Variants in CCAR2 observed in about 807,000 individuals in gnomAD.
CCAR2 encodes cell cycle and apoptosis regulator 2, also known as cell cycle and apoptosis regulator protein 2.
A neutral mutation model predicts 108.1 loss-of-function variants in CCAR2; 21 were observed. The observed-to-expected ratio is 0.19, with a 90% CI of 0.14 to 0.28. CCAR2 has a LOEUF of 0.28. Among genes scored for constraint, CCAR2 ranks in the 10% least tolerant of loss-of-function variants. The pLI is 1.00. For missense variants in CCAR2, 1,126 were observed against 1,177.0 expected (o/e 0.96, Z 0.63); for synonymous variants, 577 against 472.8 (o/e 1.22, Z -2.86).
rs1182916738 is a variant in CCAR2 at position 22,613,000 on chromosome 8, G to C, written c.585-17G>C. ...AACAATGTGGTTTCTTACTGTTGGT[G>C]ATGGGTCAACCTCTAGTGATGACTA... is the stretch of plus-strand genomic sequence containing the variant. On this transcript the variant is annotated splice_polypyrimidine_tract_variant and intron_variant, in intron 7 of 20. Transcript: ENST00000308511. 1 of 1,609,660 alleles carries C rather than the reference G, an allele frequency of 6.2e-7. No individual in the cohort carries two copies. Among genetic ancestry groups the C allele is most frequent in the Non-Finnish European group, 8.5e-7 (1 of 1,178,366 alleles).
intron 11 of CCAR2, 106 bp from the exon 12 acceptor site, chr8:22,615,319 G>C: frequency 7.4e-7 from 1 of 1,346,420 alleles, no homozygotes; most frequent in Non-Finnish European, 1.0e-6. Context: ...GGTTCGCAGT[G>C]TGTGCTCATT....
intron 6 of CCAR2, 142 bp from the exon 7 acceptor site, chr8:22,607,827 T>C (rs1801137016): frequency 4.6e-6 from 3 of 657,518 alleles, no homozygotes; most frequent in South Asian, 3.9e-5. Context: ...GGTTTCACCA[T>C]GTTCGCCAGG....
chr8:22,612,611 C>G (rs1311869233), intron 7 of CCAR2: 1 of 155,782 alleles, frequency 6.4e-6, no homozygotes, highest in Non-Finnish European at 1.4e-5. Context: ...ATATGCGTCT[C>G]TTGTTTTTAA....
Position 22,614,795 on chromosome 8 carries a change from G to GT in CCAR2, c.1042-42dup, listed in dbSNP as rs1181715049. The GT allele has an allele frequency of 3.6e-6, 5 of 1,398,094 alleles. No individual in the cohort carries two copies. In the African/African-American group the frequency reaches 7.8e-5, roughly 22 times the overall value. 86.6% of individuals were successfully genotyped at this position (1,398,094 alleles called of 1,614,324 possible). A position where few individuals can be genotyped will look rare whatever the true frequency, so the allele number is the denominator to read the frequency against. On this transcript the variant is annotated intron_variant, in intron 10 of 20. Coordinates refer to ENST00000308511, the MANE Select transcript of CCAR2 (RefSeq NM_001393997.1). ...CCTTGCCCTGCAGTGGGAGACCCAGGTAATGTAGTTTTTTGTTTTGTATCC... is the reference window on the plus strand; with the variant it reads ...CCTTGCCCTGCAGTGGGAGACCCAGGTTAATGTAGTTTTTTGTTTTGTATCC...
In CCAR2 at chr8:22,618,090, G is replaced by T; in HGVS notation, c.2074-259G>T. On this transcript the variant is annotated intron_variant, in intron 16 of 20. Coordinates refer to ENST00000308511, the MANE Select transcript of CCAR2 (RefSeq NM_001393997.1). Reference sequence around the variant, plus strand: ...CATCAGGCAAGGTGCTTGATGTTTTGTTTTTTAGAGACGGGGTTTCGCTGT... The same window carrying T: ...CATCAGGCAAGGTGCTTGATGTTTTTTTTTTTAGAGACGGGGTTTCGCTGT... 1.2e-5 allele frequency: 7 copies of T among 595,580 alleles called. No homozygotes were observed. The South Asian group carries it at 1.2e-4, about 10-fold the overall frequency. The allele number at this position is 595,580 out of a possible 1,614,324, so 36.9% of individuals were successfully genotyped here.
At chr8:22,618,301 A>G (rs776888067) in intron 16 of CCAR2, 48 bp from the exon 17 acceptor site, 6 of 1,612,952 alleles carry the variant, frequency 3.7e-6, no homozygotes, top group Non-Finnish European at 5.1e-6. Context: ...CGATAGAGCC[A>G]CTGAGGGAAC....
chr8:22,605,089 C>T (rs1253621095), intron 1 of CCAR2: 4 of 246,306 alleles, frequency 1.6e-5, no homozygotes, highest in African/African-American at 7.2e-5. Context: ...AGACCCGGCG[C>T]TGGCGGCTGC....
chr8:22,605,751 T>C lies in CCAR2; in HGVS notation c.-23T>C, dbSNP rs1801050294. ...TGGATTGAAGCCTTTTCCCCACGAC[T>C]CTGAAAGAGGACAGCGTTCCCAATG... On this transcript the variant is annotated 5_prime_UTR_variant, in exon 2 of 21. Coordinates refer to ENST00000308511, the MANE Select transcript of CCAR2 (RefSeq NM_001393997.1). 2 of 1,610,734 alleles carry C rather than the reference T, an allele frequency of 1.2e-6. No individual in the cohort carries two copies. Among genetic ancestry groups the C allele is most frequent in the Admixed American group, 1.7e-5 (1 of 59,734 alleles).
At chr8:22,619,090 C>T in intron 19 of CCAR2, 60 bp from the exon 20 acceptor site, 1 of 1,599,560 alleles carries the variant, frequency 6.3e-7, no homozygotes, top group East Asian at 2.2e-5. Flanking sequence ...GGCTCAGGCC[C>T]TGCCCTGTGC....
chr8:22,611,113 C>G (rs1801257455), intron 7 of CCAR2, among the ~76,000 whole-genome samples: 1 of 151,812 alleles, frequency 6.6e-6, no homozygotes, highest in South Asian at 2.1e-4. Flanking sequence ...GTAATCCTAG[C>G]ACTTTGGGAG....
At chr8:22,605,633 C>T in intron 1 of CCAR2, 103 bp from the exon 2 acceptor site, 2 of 679,226 alleles carry the variant, frequency 2.9e-6, no homozygotes, top group African/African-American at 1.8e-5. Flanking sequence ...TATTACCCAC[C>T]TCCCTGTTTT....
At chr8:22,621,100 C>G, downstream of CCAR2, 1 of 294,884 alleles carries the variant, frequency 3.4e-6, no homozygotes, top group Non-Finnish European at 6.4e-6. Context: ...AGACCCCCAA[C>G]TTAGCCAACG....
In CCAR2 at chr8:22,618,666, G is replaced by A. The variant is rs201437065; in HGVS notation, c.2270G>A (p.Arg757Gln). ...RVVTQNICQY[R>Q]SLQYSRQEGL... ...GTGACCCAGAACATCTGCCAGTACC[G>A]GAGCCTTCAGTACAGCCGCCAGGAG... is the stretch of plus-strand genomic sequence containing the variant. Residue 757 changes from arginine (R) to glutamine (Q), a missense_variant, in exon 18 of 21, where the codon CGG becomes CAG. Transcript: ENST00000308511. 7 of 1,614,092 alleles carry A rather than the reference G, an allele frequency of 4.3e-6. No homozygotes were observed. Among genetic ancestry groups the A allele is most frequent in the East Asian group, 4.5e-5 (2 of 44,880 alleles).
In CCAR2 at chr8:22,607,385, C is replaced by T. The variant is rs762312201; in HGVS notation, c.487+60C>T. ...TTATGGGGTAGTTTAGATCAATGGA[C>T]TTTCAGGTTGCTGCTCTTAGCATAG... is the stretch of plus-strand genomic sequence containing the variant. On this transcript the variant is annotated intron_variant, in intron 6 of 20. Transcript: ENST00000308511. The T allele has an allele frequency of 5.7e-6, 9 of 1,583,956 alleles. No individual in the cohort carries two copies. In the African/African-American group the frequency reaches 6.7e-5, roughly 12 times the overall value.
At chr8:22,611,943 CTCTTT>C (rs1398070046) in intron 7 of CCAR2, among the ~76,000 whole-genome samples, 5 of 143,314 alleles carry the variant, frequency 3.5e-5, no homozygotes, top group African/African-American at 8.5e-5. Flanking sequence ...GTAACTGTCT[CTCTTT>C]TTTTTTTTTT....
In CCAR2 at chr8:22,616,230, A is replaced by G. The variant is rs200950872; in HGVS notation, c.1827A>G (p.Thr609=). 7 of 1,612,798 alleles carry G rather than the reference A, an allele frequency of 4.3e-6. No homozygotes were observed. Among genetic ancestry groups the G allele is most frequent in the Non-Finnish European group, 5.9e-6 (7 of 1,180,002 alleles). The change falls in exon 14 of 21, where the codon ACA becomes ACG. Residue 609 remains threonine, a synonymous_variant. Coordinates refer to ENST00000308511, the MANE Select transcript of CCAR2 (RefSeq NM_001393997.1). ...AGGCACAGAATGAGGGCCCGGCTAC[A>G]GAGTCAGAGGCCCCGCTGGTGAGTA... ...KDEAQNEGPA[T]ESEAPLKEDG...
At position 22,613,134 on chromosome 8, in the gene CCAR2, C is replaced by T. The variant is rs1279105990; in HGVS notation, c.702C>T (p.Asp234=). Residue 234 remains aspartate, a splice_region_variant and synonymous_variant, in exon 8 of 21, where the codon GAC becomes GAT. Coordinates refer to ENST00000308511, the MANE Select transcript of CCAR2 (RefSeq NM_001393997.1). ...TCCACCTCACTCCTTACACTGTGGACAGGTGAGTGGCGAGGCTGAGGTGGG... is the reference window on the plus strand; with the variant it reads ...TCCACCTCACTCCTTACACTGTGGATAGGTGAGTGGCGAGGCTGAGGTGGG... The part of the protein sequence containing the change: ...YRVHLTPYTV[D]SPICDFLELQ... 2.5e-6 allele frequency: 4 copies of T among 1,591,056 alleles called. No homozygotes were observed. In the Admixed American group the frequency reaches 7.3e-5, roughly 29 times the overall value.
In CCAR2 at chr8:22,605,805, C is replaced by T. The variant is rs1305006974; in HGVS notation, c.32C>T (p.Pro11Leu). MSQFKRQRINPLPGGRNFSGT... is the reference protein window; with the variant it reads MSQFKRQRINLLPGGRNFSGT... The stretch of plus-strand genomic sequence containing the variant: ...CAGTTTAAGCGCCAGCGGATCAACC[C>T]GCTTCCAGGGGGACGCAACTTCTCA... Residue 11 changes from proline (P) to leucine (L), a missense_variant, in exon 2 of 21, where the codon CCG becomes CTG. This residue lies in a region of CCAR2 where 52 missense variants were observed against 63.7 expected (regional missense o/e 0.82). Coordinates refer to ENST00000308511, the MANE Select transcript of CCAR2 (RefSeq NM_001393997.1). 1.2e-6 allele frequency: 2 copies of T among 1,613,960 alleles called. No homozygotes were observed. Among genetic ancestry groups the T allele is most frequent in the African/African-American group, 1.3e-5 (1 of 74,938 alleles).
downstream of CCAR2, chr8:22,621,179 C>G (rs1410102920): frequency 7.5e-6 from 4 of 531,700 alleles, no homozygotes; most frequent in Admixed American, 1.3e-4. Flanking sequence ...GGACGGTTCT[C>G]CAAATAAAAA....
Sources: gnomAD v4.1 joint callset for allele counts (sites outside exome capture counted in the v4.1 genomes callset) on GRCh38, gnomAD v4.1.1 for gene constraint, gnomAD v4.1.1 regional missense constraint, MANE v1.5 for transcripts, NCBI Gene and HGNC (gene_info 2026-07-23, HGNC 2026-07-21) for gene names.